The following ADAMTSL1 variants were observed in gnomAD, a reference collection of about 807,000 sequenced individuals.
ADAMTSL1 encodes the protein ADAMTS like 1.
ADAMTSL1 carries 126 observed loss-of-function variants against 201.8 expected under a neutral mutation model. The ratio of observed to expected loss-of-function variants is 0.62; its 90% CI spans 0.54 to 0.72. The LOEUF (loss-of-function observed/expected upper bound fraction) is 0.72, where lower values mean the gene tolerates loss of function less well. Among genes scored for constraint, ADAMTSL1 ranks in the 30% least tolerant of loss-of-function variants. The pLI is 0.00. For missense variants in ADAMTSL1, 2,679 were observed against 2,277.8 expected, an observed-to-expected ratio of 1.18 and a Z score of -3.59; for synonymous variants, 1,121 against 903.4, an observed-to-expected ratio of 1.24 and a Z score of -4.32.
intron 1 of ADAMTSL1, among the ~76,000 whole-genome samples, chr9:18,154,519 T>G (rs1346977977): frequency 6.6e-6 from 1 of 152,122 alleles, no homozygotes; most frequent in Non-Finnish European, 1.5e-5. Flanking sequence ...TCCACTTGGC[T>G]GCTTCATGTG....
intron 2 of ADAMTSL1, among the ~76,000 whole-genome samples, chr9:18,319,868 G>A (rs1387624720): frequency 6.6e-6 from 1 of 152,164 alleles, no homozygotes; most frequent in African/African-American, 2.4e-5. Flanking sequence ...ATATGGGCAT[G>A]GAGAAGGGGA....
At chr9:18,390,469 C>T (rs1402717723) in intron 2 of ADAMTSL1, among the ~76,000 whole-genome samples, 1 of 152,196 alleles carries the variant, frequency 6.6e-6, no homozygotes, top group Non-Finnish European at 1.5e-5. Flanking sequence ...TTTCAGGCAA[C>T]CCAAACTTCA....
intron 16 of ADAMTSL1, among the ~76,000 whole-genome samples, chr9:18,762,429 A>G (rs1372616290): frequency 6.6e-6 from 1 of 152,190 alleles, no homozygotes. Flanking sequence ...TGATACAGGC[A>G]TGCAATGTGA....
chr9:18,486,368 C>G (rs567119246), intron 1 of ADAMTSL1, among the ~76,000 whole-genome samples: 114 of 152,306 alleles, frequency 7.5e-4, no homozygotes, highest in Non-Finnish European at 1.1e-3. Context: ...ACCCTTTATT[C>G]ACTCTCAGCG....
At chr9:18,878,295 C>G (rs993088612) in intron 23 of ADAMTSL1, among the ~76,000 whole-genome samples, 1 of 152,232 alleles carries the variant, frequency 6.6e-6, no homozygotes, top group Admixed American at 6.5e-5. Context: ...CCCCCCTCCC[C>G]AGGATTCTGT....
chr9:18,742,223 T>G (rs972987703), intron 15 of ADAMTSL1, among the ~76,000 whole-genome samples: 1 of 152,206 alleles, frequency 6.6e-6, no homozygotes, highest in Non-Finnish European at 1.5e-5. Flanking sequence ...ATATATCTTT[T>G]GCAGGAACAC....
At chr9:18,051,877 T>C (rs1821957561) in intron 1 of ADAMTSL1, among the ~76,000 whole-genome samples, 1 of 152,202 alleles carries the variant, frequency 6.6e-6, no homozygotes, top group Non-Finnish European at 1.5e-5. Context: ...AGCTGTAAGG[T>C]GATTTTACTT....
intron 10 of ADAMTSL1, among the ~76,000 whole-genome samples, chr9:18,677,554 A>G (rs1830198611): frequency 6.6e-6 from 1 of 152,060 alleles, no homozygotes. Context: ...GGAGTAAGCA[A>G]CGTCAAGTTT....
At chr9:18,820,020 G>C (rs963538774) in intron 21 of ADAMTSL1, among the ~76,000 whole-genome samples, 1 of 152,200 alleles carries the variant, frequency 6.6e-6, no homozygotes, top group Non-Finnish European at 1.5e-5. Context: ...CAGTCAGGCA[G>C]CTTAGTGACC....
chr9:18,002,064 G>A (rs1011032892), intron 1 of ADAMTSL1, among the ~76,000 whole-genome samples: 3 of 151,956 alleles, frequency 2.0e-5, no homozygotes, highest in Non-Finnish European at 4.4e-5. Context: ...AAAGGATGAA[G>A]TCAGTAGAGG....
At chr9:18,210,141 G>A (rs1829807468) in intron 2 of ADAMTSL1, among the ~76,000 whole-genome samples, 1 of 151,756 alleles carries the variant, frequency 6.6e-6, no homozygotes, top group African/African-American at 2.4e-5. Context: ...ACCAGGTAAT[G>A]TCAGTCCCCA....
chr9:18,869,296 A>G (rs1420883042), intron 23 of ADAMTSL1, among the ~76,000 whole-genome samples: 3 of 152,200 alleles, frequency 2.0e-5, no homozygotes, highest in Admixed American at 6.5e-5. Context: ...AGCCAAGGCC[A>G]CCCAGTTTGT....
intron 19 of ADAMTSL1, among the ~76,000 whole-genome samples, chr9:18,791,811 C>T (rs2133824387): frequency 6.6e-6 from 1 of 152,256 alleles, no homozygotes; most frequent in South Asian, 2.1e-4. Context: ...ATCTACATGT[C>T]ACCGTTTCCA....
At chr9:18,336,979 A>C (rs1194184470) in intron 2 of ADAMTSL1, among the ~76,000 whole-genome samples, 1 of 152,108 alleles carries the variant, frequency 6.6e-6, no homozygotes, top group Non-Finnish European at 1.5e-5. Flanking sequence ...GAATTAATGC[A>C]GTGGGTTACT....
At chr9:18,032,384 A>C (rs1053589778) in intron 1 of ADAMTSL1, among the ~76,000 whole-genome samples, 1 of 152,170 alleles carries the variant, frequency 6.6e-6, no homozygotes, top group Non-Finnish European at 1.5e-5. Context: ...AGGACTGAGT[A>C]CTGGCTGTGC....
At chr9:18,806,856 A>G (rs1178576076) in intron 20 of ADAMTSL1, among the ~76,000 whole-genome samples, 2 of 152,196 alleles carry the variant, frequency 1.3e-5, no homozygotes, top group Non-Finnish European at 2.9e-5. Context: ...TCACAAGGCC[A>G]TGCTCCTTCC....
intron 23 of ADAMTSL1, among the ~76,000 whole-genome samples, chr9:18,831,348 A>C (rs1824964572): frequency 6.6e-6 from 1 of 152,148 alleles, no homozygotes; most frequent in South Asian, 2.1e-4. Flanking sequence ...GTGCGTTGTG[A>C]ACTTCTTTAT....
At chr9:18,106,129 G>C in intron 1 of ADAMTSL1, among the ~76,000 whole-genome samples, 1 of 152,180 alleles carries the variant, frequency 6.6e-6, no homozygotes, top group East Asian at 1.9e-4. Context: ...AGGGAATAGT[G>C]ATATGTGCTT....
chr9:18,358,183 A>G (rs1836340602), intron 2 of ADAMTSL1, among the ~76,000 whole-genome samples: 1 of 152,196 alleles, frequency 6.6e-6, no homozygotes, highest in Non-Finnish European at 1.5e-5. Flanking sequence ...TGAGAAATAT[A>G]TTAGGTACAT....
Sources: gnomAD v4.1 joint callset for allele counts (sites outside exome capture counted in the v4.1 genomes callset) on GRCh38, gnomAD v4.1.1 for gene constraint, MANE v1.5 for transcripts, NCBI Gene and HGNC (gene_info 2026-07-23, HGNC 2026-07-21) for gene names.